Variants in PRIMA1 observed in about 807,000 individuals in gnomAD.
PRIMA1 encodes proline rich membrane anchor 1.
PRIMA1 carries 7 observed loss-of-function variants against 17.5 expected under a neutral mutation model. The ratio of observed to expected loss-of-function variants is 0.40; its 90% confidence interval spans 0.23 to 0.75. The LOEUF is 0.75. Among genes scored for constraint, PRIMA1 ranks in the 30% least tolerant of loss-of-function variants. PRIMA1 has a pLI of 0.37. For synonymous variants in PRIMA1, 97 were observed against 77.9 expected, an observed-to-expected ratio of 1.25 and a Z score of -1.29; for missense variants, 200 against 201.8, an observed-to-expected ratio of 0.99 and a Z score of 0.05.
chr14:93,779,054 T>C lies in PRIMA1; in HGVS notation c.229+122A>G, dbSNP rs991703620. ...GGGGAAAGTTGGGCCTTGGCTTCCC[T>C]CCTGCTTGGCCAGTGGAAAATTACC... On this transcript the variant is annotated intron_variant, in intron 3 of 4. Transcript: ENST00000393140. 1.7e-5 allele frequency: 12 copies of C among 698,516 alleles called. No individual in the cohort carries two copies. In the African/African-American group the frequency reaches 2.1e-4, roughly 12 times the overall value. 43.3% of individuals were successfully genotyped at this position (698,516 alleles called of 1,614,324 possible).
chr14:93,787,787 C>T, intron 1 of PRIMA1, 38 bp from the exon 2 acceptor site: 2 of 1,512,476 alleles, frequency 1.3e-6, no homozygotes, highest in Non-Finnish European at 8.8e-7. Flanking sequence ...GCGGACACCG[C>T]GCAGGCACTT....
chr14:93,784,365 G>A (rs1283751347), intron 2 of PRIMA1, among the ~76,000 whole-genome samples: 3 of 151,976 alleles, frequency 2.0e-5, no homozygotes, highest in Non-Finnish European at 4.4e-5. Flanking sequence ...ACATGGTTTT[G>A]CTGTGTTGTC....
chr14:93,770,184 C>T (rs1259828677), intron 3 of PRIMA1, among the ~76,000 whole-genome samples: 3 of 152,322 alleles, frequency 2.0e-5, no homozygotes, highest in African/African-American at 7.2e-5. Flanking sequence ...TGCACCGTCA[C>T]TCACCTGGCC....
intron 3 of PRIMA1, among the ~76,000 whole-genome samples, chr14:93,767,622 G>C (rs904609579): frequency 6.6e-6 from 1 of 152,156 alleles, no homozygotes; most frequent in Non-Finnish European, 1.5e-5. Flanking sequence ...AGGGGTGCCG[G>C]AGCTAGCCCT....
chr14:93,767,059 C>T (rs908082048), intron 3 of PRIMA1, among the ~76,000 whole-genome samples: 1 of 152,166 alleles, frequency 6.6e-6, no homozygotes, highest in South Asian at 2.1e-4. Flanking sequence ...CCTCACGTCG[C>T]CATGACCAAC....
intron 3 of PRIMA1, among the ~76,000 whole-genome samples, chr14:93,749,271 C>T (rs1347835219): frequency 6.6e-6 from 1 of 152,150 alleles, no homozygotes; most frequent in African/African-American, 2.4e-5. Context: ...CGAGAGGGGG[C>T]CACATGCAGA....
At chr14:93,771,548 G>A (rs956326474) in intron 3 of PRIMA1, among the ~76,000 whole-genome samples, 1 of 152,160 alleles carries the variant, frequency 6.6e-6, no homozygotes, top group Non-Finnish European at 1.5e-5. Context: ...CAGACTATCG[G>A]TGCATGAAAG....
chr14:93,786,354 G>C (rs1221958012), intron 2 of PRIMA1, among the ~76,000 whole-genome samples: 2 of 152,192 alleles, frequency 1.3e-5, no homozygotes, highest in Non-Finnish European at 2.9e-5. Context: ...CCAGAGAAGA[G>C]AGCAGAAGAT....
intron 3 of PRIMA1, among the ~76,000 whole-genome samples, chr14:93,764,854 A>AT (rs1884842072): frequency 6.6e-6 from 1 of 152,154 alleles, no homozygotes. Flanking sequence ...CCAGCCACAT[A>AT]TATCTGCCCA....
chr14:93,725,350 C>G (rs1378004300), intron 4 of PRIMA1, among the ~76,000 whole-genome samples: 1 of 152,098 alleles, frequency 6.6e-6, no homozygotes, highest in East Asian at 1.9e-4. Context: ...GGAGCTGAGT[C>G]CCCAACCACT....
intron 3 of PRIMA1, among the ~76,000 whole-genome samples, chr14:93,776,510 A>G (rs908679183): frequency 6.6e-5 from 10 of 152,134 alleles, no homozygotes; most frequent in Non-Finnish European, 1.3e-4. Context: ...AGAGACCCCC[A>G]CCTGACTCCA....
intron 2 of PRIMA1, among the ~76,000 whole-genome samples, chr14:93,782,975 A>G (rs1885425240): frequency 6.6e-6 from 1 of 152,228 alleles, no homozygotes; most frequent in East Asian, 1.9e-4. Context: ...TATGTTGACC[A>G]GACTGGTCTC....
intron 3 of PRIMA1, among the ~76,000 whole-genome samples, chr14:93,761,699 T>C (rs1884731393): frequency 6.6e-6 from 1 of 152,158 alleles, no homozygotes; most frequent in African/African-American, 2.4e-5. Flanking sequence ...GAATCATCCC[T>C]ATATCTCCAG....
At chr14:93,772,903 T>C (rs1244876740) in intron 3 of PRIMA1, among the ~76,000 whole-genome samples, 1 of 152,230 alleles carries the variant, frequency 6.6e-6, no homozygotes, top group Non-Finnish European at 1.5e-5. Context: ...TCATTTCTAC[T>C]GCTTGCATTA....
intron 3 of PRIMA1, among the ~76,000 whole-genome samples, chr14:93,759,518 T>C (rs867235686): frequency 5.3e-5 from 8 of 151,912 alleles, no homozygotes; most frequent in South Asian, 4.2e-4. Context: ...CATGTGTGTG[T>C]GCGTGTGTGT....
chr14:93,746,040 C>T (rs1056730079), intron 3 of PRIMA1, among the ~76,000 whole-genome samples: 11 of 152,122 alleles, frequency 7.2e-5, no homozygotes, highest in Admixed American at 3.3e-4. Flanking sequence ...CCTCCTATAT[C>T]CCCCACCCTC....
At chr14:93,779,758 CCTT>C (rs960777886) in intron 2 of PRIMA1, among the ~76,000 whole-genome samples, 1 of 152,214 alleles carries the variant, frequency 6.6e-6, no homozygotes, top group African/African-American at 2.4e-5. Context: ...CAAGCCCTGG[CCTT>C]CTCTCCAGCC....
intron 4 of PRIMA1, among the ~76,000 whole-genome samples, chr14:93,734,889 C>T (rs1413196872): frequency 6.6e-6 from 1 of 152,158 alleles, no homozygotes; most frequent in Admixed American, 6.5e-5. Context: ...ACAGGAGGCC[C>T]CTCTATAGCT....
intron 3 of PRIMA1, among the ~76,000 whole-genome samples, chr14:93,771,123 T>C (rs1481241469): frequency 6.6e-6 from 1 of 151,096 alleles, no homozygotes; most frequent in Non-Finnish European, 1.5e-5. Context: ...TGCATGTATG[T>C]GTGTGCATGT....
Sources: allele counts gnomAD v4.1 joint callset (sites outside exome capture counted in the v4.1 genomes callset), GRCh38; gene constraint gnomAD v4.1.1; transcripts MANE v1.5; gene names NCBI Gene and HGNC (gene_info 2026-07-23, HGNC 2026-07-21).